Variants in RPS6KC1 observed in about 807,000 individuals in gnomAD.
The protein encoded by RPS6KC1 is inactive ribosomal protein S6 kinase delta-1.
A neutral mutation model predicts 103.8 loss-of-function variants in RPS6KC1; 54 were observed. The observed-to-expected ratio is 0.52, with a 90% CI of 0.42 to 0.65. The LOEUF is 0.65. RPS6KC1 is among the 30% of genes least tolerant of loss of function. The pLI, the probability that RPS6KC1 is intolerant of heterozygous loss-of-function variation, is 0.00. For synonymous variants in RPS6KC1, 439 were observed against 438.7 expected, an observed-to-expected ratio of 1.00 and a Z score of -0.01; for missense variants, 1,151 against 1,253.8, an observed-to-expected ratio of 0.92 and a Z score of 1.24.
At chr1:213,580,173 G>T in the RPS6KC1 span, among the ~76,000 whole-genome samples, 1 of 152,142 alleles carries the variant, frequency 6.6e-6, no homozygotes. Context: ...ATGATTCATG[G>T]GAGGAGGTCA....
At chr1:213,324,835 AT>A in the RPS6KC1 span, among the ~76,000 whole-genome samples, 1 of 150,942 alleles carries the variant, frequency 6.6e-6, no homozygotes, top group African/African-American at 2.4e-5. Flanking sequence ...TGAATTATGG[AT>A]TTGCCACACT....
At chr1:213,666,008 T>A in the RPS6KC1 span, among the ~76,000 whole-genome samples, 2 of 152,242 alleles carry the variant, frequency 1.3e-5, no homozygotes, top group African/African-American at 2.4e-5. Flanking sequence ...TACAACAATG[T>A]AAAATATATA....
At chr1:213,072,956 C>T in intron 2 of RPS6KC1, 1 of 952,272 alleles carries the variant, frequency 1.1e-6, no homozygotes, top group Non-Finnish European at 1.3e-6. Flanking sequence ...ATAATAACAA[C>T]TGTTGGTGAA....
the RPS6KC1 span, among the ~76,000 whole-genome samples, chr1:213,426,960 C>T: frequency 0.027 from 4,146 of 152,292 alleles, 74 homozygotes; most frequent in East Asian, 0.06. Flanking sequence ...TCTAATAGAA[C>T]TTTGAGTTAT....
the RPS6KC1 span, among the ~76,000 whole-genome samples, chr1:213,372,940 A>G: frequency 6.6e-6 from 1 of 152,124 alleles, no homozygotes; most frequent in East Asian, 1.9e-4. Flanking sequence ...ATTGGCTTTA[A>G]ACTGTGGTTG....
the RPS6KC1 span, among the ~76,000 whole-genome samples, chr1:213,465,473 C>T: frequency 6.6e-6 from 1 of 152,158 alleles, no homozygotes; most frequent in Non-Finnish European, 1.5e-5. Flanking sequence ...GTGCCAGTTT[C>T]CTCGCCAATC....
At chr1:213,119,723 C>A (rs2084170904) in intron 5 of RPS6KC1, among the ~76,000 whole-genome samples, 2 of 151,728 alleles carry the variant, frequency 1.3e-5, no homozygotes, top group South Asian at 4.2e-4. Flanking sequence ...CTGCAGAGAT[C>A]TTTCTGTTCT....
intron 8 of RPS6KC1, among the ~76,000 whole-genome samples, chr1:213,180,242 G>C (rs2092180686): frequency 6.6e-6 from 1 of 152,126 alleles, no homozygotes; most frequent in Non-Finnish European, 1.5e-5. Context: ...TAATCTTGAG[G>C]GTGAAAAGGG....
chr1:213,122,770 T>C (rs987574414), intron 5 of RPS6KC1, among the ~76,000 whole-genome samples: 5 of 152,134 alleles, frequency 3.3e-5, no homozygotes, highest in Admixed American at 6.6e-5. Flanking sequence ...CTTTTTTCTG[T>C]TATGTGCTTA....
At chr1:213,842,874 C>T in the RPS6KC1 span, among the ~76,000 whole-genome samples, 2 of 152,152 alleles carry the variant, frequency 1.3e-5, no homozygotes, top group Admixed American at 6.5e-5. Flanking sequence ...ATGCTTACTA[C>T]CAATTTTACT....
At chr1:213,801,539 A>G in the RPS6KC1 span, among the ~76,000 whole-genome samples, 1 of 152,176 alleles carries the variant, frequency 6.6e-6, no homozygotes, top group Non-Finnish European at 1.5e-5. Flanking sequence ...ATAAAGGAAA[A>G]GAAAATGAGA....
chr1:213,615,771 T>A, the RPS6KC1 span, among the ~76,000 whole-genome samples: 2 of 152,318 alleles, frequency 1.3e-5, no homozygotes, highest in South Asian at 4.1e-4. Flanking sequence ...CCTGTGAGAA[T>A]GTACACCAAG....
At chr1:213,152,219 C>G (rs1187288570) in intron 6 of RPS6KC1, among the ~76,000 whole-genome samples, 1 of 139,858 alleles carries the variant, frequency 7.2e-6, no homozygotes, top group African/African-American at 2.7e-5. Flanking sequence ...GGCGGCTGGC[C>G]GGGCGGGGGG....
At chr1:213,235,438 G>A (rs2094200663) in intron 10 of RPS6KC1, among the ~76,000 whole-genome samples, 1 of 152,106 alleles carries the variant, frequency 6.6e-6, no homozygotes, top group African/African-American at 2.4e-5. Flanking sequence ...AAAATTAAAG[G>A]AAAGGGGAAG....
rs2080609705 is a variant in RPS6KC1 at position 213,088,229 on chromosome 1, T to C, written c.262+10413T>C. 2.6e-5 allele frequency among the ~76,000 whole-genome samples: 4 copies of C among 152,210 alleles called. No homozygotes were observed. The South Asian group carries it at 8.3e-4, about 32-fold the overall frequency. On this transcript the variant is annotated intron_variant, in intron 3 of 14. Coordinates refer to ENST00000366960, the MANE Select transcript of RPS6KC1 (RefSeq NM_012424.6). ...ATGGCTGCAACCCAACCACACCTTC[T>C]CTACAGAGATCCGAATCCCAGCCTT...
At chr1:213,235,020 ACAT>A (rs1355827772) in intron 10 of RPS6KC1, among the ~76,000 whole-genome samples, 1 of 152,210 alleles carries the variant, frequency 6.6e-6, no homozygotes, top group Non-Finnish European at 1.5e-5. Flanking sequence ...TTTCTTTTAC[ACAT>A]CAGTGGCACC....
At chr1:213,402,227 C>G in the RPS6KC1 span, among the ~76,000 whole-genome samples, 2 of 152,106 alleles carry the variant, frequency 1.3e-5, no homozygotes, top group Non-Finnish European at 2.9e-5. Context: ...AAACATGGTG[C>G]CAGGCAGCCT....
In RPS6KC1 at chr1:213,071,026, A is replaced by G. The variant is rs2078820373; in HGVS notation, c.126A>G (p.Pro42=). 1 of 1,544,480 alleles carries G rather than the reference A, an allele frequency of 6.5e-7. No homozygotes were observed. Among genetic ancestry groups the G allele is most frequent in the Non-Finnish European group, 8.8e-7 (1 of 1,134,822 alleles). Residue 42 remains proline (P), a synonymous_variant, in exon 2 of 15, where the codon CCA becomes CCG. Transcript: ENST00000366960. The stretch of plus-strand genomic sequence containing the variant: ...TTTAGGTTGTTTCACGAAGAAATCC[A>G]GAGGATGTCCAGGAGGTAACATTTA... ...VTARVVSRRN[P]EDVQEIIVWK...
At chr1:213,446,557 T>A in the RPS6KC1 span, among the ~76,000 whole-genome samples, 1 of 152,128 alleles carries the variant, frequency 6.6e-6, no homozygotes, top group Non-Finnish European at 1.5e-5. Flanking sequence ...TCATTGAGAG[T>A]AATCTTTACT....
Sources: gnomAD v4.1 joint callset for allele counts (sites outside exome capture counted in the v4.1 genomes callset) on GRCh38, gnomAD v4.1.1 for gene constraint, MANE v1.5 for transcripts, NCBI Gene and HGNC (gene_info 2026-07-23, HGNC 2026-07-21) for gene names.